TMEM209: variants seen among roughly 807,000 people sequenced by gnomAD.
TMEM209 encodes the protein transmembrane protein 209, also known as testicular tissue protein Li 202.
In TMEM209, 65 loss-of-function variants were observed where a neutral mutation model predicts 76.2. That is an observed-to-expected ratio of 0.85 (90% confidence interval 0.70 to 1.05). The LOEUF is 1.05. TMEM209 is among the 50% of genes least tolerant of loss of function. TMEM209 has a pLI of 0.00. For synonymous variants in TMEM209, 239 were observed against 237.6 expected (o/e 1.01, Z -0.06); for missense variants, 623 against 685.5 (o/e 0.91, Z 1.02).
chr7:130,189,798 T>C (rs1006253952), intron 6 of TMEM209, among the ~76,000 whole-genome samples: 1 of 152,238 alleles, frequency 6.6e-6, no homozygotes, highest in African/African-American at 2.4e-5. Flanking sequence ...TCTGTGTATA[T>C]GTCCATACAA....
intron 9 of TMEM209, 143 bp from the exon 10 acceptor site, chr7:130,178,670 G>T: frequency 1.2e-6 from 1 of 861,314 alleles, no homozygotes. Flanking sequence ...CTCCCCTGAC[G>T]ACCCTACCTC....
intron 13 of TMEM209, among the ~76,000 whole-genome samples, chr7:130,171,103 C>T (rs573486205): frequency 6.6e-6 from 1 of 152,146 alleles, no homozygotes; most frequent in Admixed American, 6.5e-5. Context: ...GAAACACTTA[C>T]TAAGGTCTGG....
At chr7:130,186,216 A>G (rs1235322231) in intron 6 of TMEM209, among the ~76,000 whole-genome samples, 8 of 152,260 alleles carry the variant, frequency 5.3e-5, no homozygotes, top group Non-Finnish European at 2.9e-5. Flanking sequence ...ATAAATAGAA[A>G]CAATTTTTTT....
chr7:130,187,806 A>C (rs1797651938), intron 6 of TMEM209, among the ~76,000 whole-genome samples: 3 of 152,176 alleles, frequency 2.0e-5, no homozygotes, highest in Admixed American at 2.0e-4. Context: ...TAATACTCCT[A>C]AGGCACCTGA....
rs900203741 is a variant in TMEM209 at position 130,192,709 on chromosome 7, T to C, written c.688A>G (p.Thr230Ala). Residue 230 changes from threonine (T) to alanine (A), a missense_variant, in exon 6 of 15, where the codon ACT becomes GCT. Thr to Ala is a moderately conservative substitution (Grantham distance 58, BLOSUM62 0). Transcript: ENST00000397622. ...RSSPTVYNSP[T>A]DKEDYMTDLR... ...TCGGTCATGTAGTCTTCTTTGTCAG[T>C]AGGTGAGTTGTAGACGGTAGGTGAA... 9 of 1,613,672 alleles carry C rather than the reference T, an allele frequency of 5.6e-6. No individual in the cohort carries two copies. In the Admixed American group the frequency reaches 1.3e-4, roughly 24 times the overall value.
intron 14 of TMEM209, among the ~76,000 whole-genome samples, chr7:130,170,033 G>T (rs1797016296): frequency 6.6e-6 from 1 of 152,100 alleles, no homozygotes; most frequent in African/African-American, 2.4e-5. Context: ...CTCTCTGGAA[G>T]TGTAAACACT....
chr7:130,198,966 T>C (rs1408315568), intron 5 of TMEM209, among the ~76,000 whole-genome samples: 1 of 152,232 alleles, frequency 6.6e-6, no homozygotes, highest in Non-Finnish European at 1.5e-5. Flanking sequence ...TTATCAGACA[T>C]TGATAATGCT....
At chr7:130,203,908 AC>A in intron 2 of TMEM209, 62 bp from the exon 3 acceptor site, 1 of 1,595,816 alleles carries the variant, frequency 6.3e-7, no homozygotes, top group South Asian at 1.1e-5. Flanking sequence ...AAAAACAAAC[AC>A]AAAAACCTGT....
Position 130,170,416 on chromosome 7 carries a change from CT to C in TMEM209, c.1614del (p.Glu539SerfsTer15). On this transcript the variant is annotated frameshift_variant, in exon 14 of 15. Coordinates refer to ENST00000397622, the MANE Select transcript of TMEM209 (RefSeq NM_032842.4). LOFTEE classifies it high-confidence loss of function. ...AGTACCTACCCAAGCATTCCTGACT[CT>C]TTGGTCTTTATGATGTAGAGAAACA... is the stretch of plus-strand genomic sequence containing the variant. Reference protein sequence around the residue: ...LLMFLYIIKTKESGMLGRVNL... With the variant: ...LLMFLYIIKTXESGMLGRVNL... 1.2e-6 allele frequency: 2 copies of C among 1,612,848 alleles called. No homozygotes were observed. The highest frequency in any genetic ancestry group is 2.2e-5 in the South Asian group (2 of 90,844).
rs1797557056 is a variant in TMEM209 at position 130,185,238 on chromosome 7, G to A, written c.905C>T (p.Ala302Val). The change falls in exon 7 of 15, where the codon GCT becomes GTT. Residue 302 changes from alanine (A) to valine (V), a missense_variant. By Grantham distance (64) the Ala-to-Val change is moderately conservative. Coordinates refer to ENST00000397622, the MANE Select transcript of TMEM209 (RefSeq NM_032842.4). ...QLACRSQAPC[A>V]NKDEADLSSK... Reference sequence around the variant, plus strand: ...GCTGAGATCGGCTTCATCTTTGTTAGCACATGGGGCCTGAGACCTACAGGC... The same window carrying A: ...GCTGAGATCGGCTTCATCTTTGTTAACACATGGGGCCTGAGACCTACAGGC... The A allele has an allele frequency of 6.2e-7, 1 of 1,613,836 alleles. No homozygotes were observed. Among genetic ancestry groups the A allele is most frequent in the Non-Finnish European group, 8.5e-7 (1 of 1,179,792 alleles).
chr7:130,169,568 T>C (rs1159322826), intron 14 of TMEM209, among the ~76,000 whole-genome samples: 2 of 152,252 alleles, frequency 1.3e-5, no homozygotes, highest in Non-Finnish European at 2.9e-5. Flanking sequence ...GGTCTAGTCC[T>C]GCTTCAAGTG....
intron 5 of TMEM209, among the ~76,000 whole-genome samples, chr7:130,200,647 G>C (rs1336347969): frequency 6.6e-6 from 1 of 151,878 alleles, no homozygotes; most frequent in African/African-American, 2.4e-5. Flanking sequence ...TTTCTATAAG[G>C]ATCATATAGT....
rs745444662 is a variant in TMEM209 at position 130,175,546 on chromosome 7, C to T, written c.1310G>A (p.Arg437Gln). ...RWNRGGDFKG[R>Q]KWDTDLPTDS... ...GGTGGGCAGGTCTGTATCCCACTTTCGTCCTTTGAAGTCGCCACCTCTGTT... is the reference window on the plus strand; with the variant it reads ...GGTGGGCAGGTCTGTATCCCACTTTTGTCCTTTGAAGTCGCCACCTCTGTT... Residue 437 changes from arginine to glutamine, a missense_variant, in exon 11 of 15, where the codon CGA (arginine) becomes CAA (glutamine). Transcript: ENST00000397622. 1.2e-6 allele frequency: 2 copies of T among 1,613,294 alleles called. No homozygotes were observed. The highest frequency in any genetic ancestry group is 1.7e-5 in the Admixed American group (1 of 59,974).
At chr7:130,201,338 C>A (rs1375975821) in intron 5 of TMEM209, among the ~76,000 whole-genome samples, 5 of 151,664 alleles carry the variant, frequency 3.3e-5, no homozygotes, top group Non-Finnish European at 5.9e-5. Flanking sequence ...AAAATTAGAA[C>A]AAAATTTCAC....
At chr7:130,201,691 G>A in intron 5 of TMEM209, 159 bp downstream of exon 5, 2 of 872,338 alleles carry the variant, frequency 2.3e-6, no homozygotes, top group Non-Finnish European at 3.4e-6. Context: ...TTAAGATGTT[G>A]TGTTTAAGAT....
At chr7:130,191,506 T>C (rs972229920) in intron 6 of TMEM209, among the ~76,000 whole-genome samples, 1 of 152,052 alleles carries the variant, frequency 6.6e-6, no homozygotes. Context: ...CTGTTCAATA[T>C]ACCAAAGCCA....
intron 7 of TMEM209, among the ~76,000 whole-genome samples, chr7:130,184,734 C>T (rs189022970): frequency 0.014 from 2,086 of 152,252 alleles, 42 homozygotes; most frequent in African/African-American, 0.048. Flanking sequence ...TCGTGATCCA[C>T]CCGCCTCTGC....
chr7:130,186,668 G>A (rs1221770790), intron 6 of TMEM209, among the ~76,000 whole-genome samples: 1 of 152,068 alleles, frequency 6.6e-6, no homozygotes, highest in Non-Finnish European at 1.5e-5. Flanking sequence ...ACTGGCTTTA[G>A]ACAATGAATA....
chr7:130,205,367 A>C lies in TMEM209; in HGVS notation c.3+6T>G. ...AGGAAGCACAAACACGACCCCGAAA[A>C]CGCACCATGTCCTCTGGCCGGAAAA... On this transcript the variant is annotated splice_donor_region_variant and intron_variant, in intron 1 of 14. Coordinates refer to ENST00000397622, the MANE Select transcript of TMEM209 (RefSeq NM_032842.4). The C allele has an allele frequency of 6.2e-7, 1 of 1,613,890 alleles. No homozygotes were observed. The highest frequency in any genetic ancestry group is 8.5e-7 in the Non-Finnish European group (1 of 1,179,894).
Sources: allele counts gnomAD v4.1 joint callset (sites outside exome capture counted in the v4.1 genomes callset), GRCh38; gene constraint gnomAD v4.1.1; transcripts MANE v1.5; gene names NCBI Gene and HGNC (gene_info 2026-07-23, HGNC 2026-07-21).